The following H2BC4 variants were observed in gnomAD, a reference collection of about 807,000 sequenced individuals.
The protein encoded by H2BC4 is H2B clustered histone 4.
H2BC4 carries 10 observed loss-of-function variants against 6.2 expected under a neutral mutation model. That is an observed-to-expected ratio of 1.61 (90% CI 0.99 to 2.73). The LOEUF (loss-of-function observed/expected upper bound fraction) is 2.73. H2BC4 is among the 30% of genes most tolerant of loss of function. H2BC4 has a pLI of 0.00. For missense variants in H2BC4, 176 were observed against 168.7 expected (o/e 1.04, Z -0.24); for synonymous variants, 146 against 70.7 (o/e 2.07, Z -5.35).
At chr6:26,121,476 G>A (rs566723806), downstream of H2BC4, among the ~76,000 whole-genome samples, 1 of 152,148 alleles carries the variant, frequency 6.6e-6, no homozygotes, top group African/African-American at 2.4e-5. Flanking sequence ...CTTATTGTAT[G>A]ACTCACATAA....
downstream of H2BC4, among the ~76,000 whole-genome samples, chr6:26,114,090 C>T (rs1763390818): frequency 6.6e-6 from 1 of 152,046 alleles, no homozygotes; most frequent in African/African-American, 2.4e-5. Context: ...CCATAGTAAA[C>T]ACTTTCTCAA....
downstream of H2BC4, among the ~76,000 whole-genome samples, chr6:26,118,890 G>C (rs1460092519): frequency 6.6e-6 from 1 of 152,234 alleles, no homozygotes; most frequent in Non-Finnish European, 1.5e-5. Context: ...TGTTGTCAGA[G>C]AAGATTGGTT....
At chr6:26,120,953 T>C (rs1031073944), downstream of H2BC4, among the ~76,000 whole-genome samples, 5 of 152,256 alleles carry the variant, frequency 3.3e-5, no homozygotes, top group Non-Finnish European at 7.3e-5. Context: ...TTTTGTCTCC[T>C]GTTAGTCCTA....
At chr6:26,119,763 A>T (rs1390054016), downstream of H2BC4, among the ~76,000 whole-genome samples, 2 of 151,052 alleles carry the variant, frequency 1.3e-5, no homozygotes, top group African/African-American at 4.9e-5. Context: ...ACAGTATAAG[A>T]ATAAAGAAGC....
chr6:26,121,829 G>T (rs538513910), downstream of H2BC4, among the ~76,000 whole-genome samples: 116 of 151,918 alleles, frequency 7.6e-4, no homozygotes, highest in Non-Finnish European at 3.4e-4. Context: ...AAGGCGGGCA[G>T]ATCACCTGAT....
At chr6:26,114,655 T>C (rs1763397255), downstream of H2BC4, among the ~76,000 whole-genome samples, 1 of 152,014 alleles carries the variant, frequency 6.6e-6, no homozygotes, top group Admixed American at 6.6e-5. Context: ...CTATATAATC[T>C]ATAATATAAT....
downstream of H2BC4, among the ~76,000 whole-genome samples, chr6:26,122,516 G>A (rs977415139): frequency 6.6e-6 from 1 of 152,138 alleles, no homozygotes. Flanking sequence ...GCCACAAAGC[G>A]GCCTGCAGTT....
chr6:26,122,330 A>T (rs527753687), downstream of H2BC4, among the ~76,000 whole-genome samples: 1 of 152,232 alleles, frequency 6.6e-6, no homozygotes, highest in African/African-American at 2.4e-5. Flanking sequence ...CTTTAACACT[A>T]ATTTTATTTA....
At chr6:26,113,653 G>A (rs761907165), downstream of H2BC4, among the ~76,000 whole-genome samples, 2 of 152,112 alleles carry the variant, frequency 1.3e-5, no homozygotes, top group Non-Finnish European at 2.9e-5. Flanking sequence ...TGTCTTTGTT[G>A]GCTTGGGCTG....
At chr6:26,117,789 G>T (rs146544231) in intron 1 of H2BC4, among the ~76,000 whole-genome samples, 23 of 152,234 alleles carry the variant, frequency 1.5e-4, no homozygotes, top group African/African-American at 5.5e-4. Context: ...AGAAATGGGA[G>T]AAAAAAACTA....
downstream of H2BC4, among the ~76,000 whole-genome samples, chr6:26,120,756 G>C (rs1027719014): frequency 2.0e-5 from 3 of 152,112 alleles, no homozygotes; most frequent in African/African-American, 4.8e-5. Context: ...TTCAGATATT[G>C]AAAGCACTCT....
At chr6:26,123,400 A>G (rs912788889), downstream of H2BC4, 9 of 1,482,610 alleles carry the variant, frequency 6.1e-6, no homozygotes, top group South Asian at 1.3e-5. Context: ...TCCAGTTCCT[A>G]TATTCTAATA....
At chr6:26,113,575 C>G (rs1411896391), downstream of H2BC4, among the ~76,000 whole-genome samples, 1 of 152,156 alleles carries the variant, frequency 6.6e-6, no homozygotes, top group Non-Finnish European at 1.5e-5. Context: ...CTTTTGTGAC[C>G]TTGGACAAGT....
chr6:26,120,188 C>T (rs1763480542), downstream of H2BC4, among the ~76,000 whole-genome samples: 1 of 152,264 alleles, frequency 6.6e-6, no homozygotes, highest in South Asian at 2.1e-4. Flanking sequence ...CTTTTCTGGG[C>T]ACGGTGGCTC....
chr6:26,123,239 C>A (rs572386413), downstream of H2BC4: 31 of 487,342 alleles, frequency 6.4e-5, no homozygotes, highest in East Asian at 1.2e-3. Flanking sequence ...GCGGTTTCTT[C>A]CGGGAACGCC....
At chr6:26,123,238 T>C, downstream of H2BC4, 1 of 487,912 alleles carries the variant, frequency 2.0e-6, no homozygotes, top group South Asian at 2.7e-5. Flanking sequence ...TGCGGTTTCT[T>C]CCGGGAACGC....
At chr6:26,119,297 T>C (rs930580854), downstream of H2BC4, among the ~76,000 whole-genome samples, 3 of 152,226 alleles carry the variant, frequency 2.0e-5, no homozygotes, top group African/African-American at 7.2e-5. Flanking sequence ...TGTTCTCTTA[T>C]CTGTTTATCA....
downstream of H2BC4, among the ~76,000 whole-genome samples, chr6:26,120,030 AT>A (rs201023153): frequency 5.2e-4 from 78 of 151,390 alleles, no homozygotes; most frequent in African/African-American, 1.6e-3. Flanking sequence ...AAAATTTTTG[AT>A]TTTTTTTTAG....
chr6:26,119,726 C>G (rs970408691), downstream of H2BC4, among the ~76,000 whole-genome samples: 5 of 148,762 alleles, frequency 3.4e-5, no homozygotes, highest in Admixed American at 6.6e-5. Flanking sequence ...CTTGTGTATA[C>G]TATAATATTC....
Sources: allele counts gnomAD v4.1 joint callset (sites outside exome capture counted in the v4.1 genomes callset), GRCh38; gene constraint gnomAD v4.1.1; transcripts MANE v1.5; gene names NCBI Gene and HGNC (gene_info 2026-07-23, HGNC 2026-07-21).